MUTYH: variants seen among roughly 807,000 people sequenced by gnomAD.
The protein encoded by MUTYH is adenine DNA glycosylase.
In MUTYH, 64 loss-of-function variants were observed where a neutral mutation model predicts 72.9. The observed-to-expected ratio is 0.88, with a 90% CI of 0.72 to 1.08. MUTYH has a LOEUF of 1.08. MUTYH is among the 50% of genes least tolerant of loss of function. The pLI is 0.00. For missense variants in MUTYH, 633 were observed against 671.0 expected (o/e 0.94, Z 0.63); for synonymous variants, 234 against 263.1 (o/e 0.89, Z 1.07).
intron 1 of MUTYH, chr1:45,338,247 C>CTACA (rs1410946633): frequency 1.9e-6 from 1 of 532,926 alleles, no homozygotes; most frequent in African/African-American, 1.9e-5. Context: ...AGTCCTCTTA[C>CTACA]TACAGCCTTG....
chr1:45,337,493 C>CT (rs1255284252), intron 1 of MUTYH, among the ~76,000 whole-genome samples: 1 of 152,004 alleles, frequency 6.6e-6, no homozygotes, highest in Non-Finnish European at 1.5e-5. Context: ...TTTCTTTTCT[C>CT]TTTTTTTCTC....
rs374655042 is a variant in MUTYH at position 45,329,388 on chromosome 1, C to A, written c.1484G>T (p.Arg495Leu). 1 of 1,614,130 alleles carries A rather than the reference C, an allele frequency of 6.2e-7. No individual in the cohort carries two copies. The highest frequency in any genetic ancestry group is 8.5e-7 in the Non-Finnish European group (1 of 1,180,024). ...ATTATCCAGGACTTGCTGGCCCATGCGGGGCTTTTTCCGACTGCACGGAGA... is the reference window on the plus strand; with the variant it reads ...ATTATCCAGGACTTGCTGGCCCATGAGGGGCTTTTTCCGACTGCACGGAGA... ...VSSPCSRKKP[R>L]MGQQVLDNFF... The change falls in exon 16 of 16, where the codon CGC becomes CTC. Residue 495 changes from arginine (R) to leucine (L), a missense_variant. Transcript: ENST00000456914.
rs1553128978 is a variant in MUTYH, at chr1:45,332,808, C to T, written c.447G>A (p.Leu149=). ...GCCGCCGGCCACGAGAATAGTAGCC[C>T]AGGCCAGCCCAGAGTTGATTCACCT... ...LEEVNQLWAG[L]GYYSRGRRLQ... Residue 149 remains leucine, a synonymous_variant, in exon 7 of 16, where the codon CTG becomes CTA. Coordinates refer to ENST00000456914, the MANE Select transcript of MUTYH (RefSeq NM_001048174.2). The T allele has an allele frequency of 6.2e-7, 1 of 1,614,098 alleles. No homozygotes were observed. The highest frequency in any genetic ancestry group is 1.3e-5 in the African/African-American group (1 of 74,916).
rs1645188053 is a variant in MUTYH at position 45,332,792 on chromosome 1, C to T, written c.463G>A (p.Gly155Ser). Residue 155 changes from glycine (G) to serine (S), a missense_variant, in exon 7 of 16, where the codon GGC becomes AGC. Transcript: ENST00000456914. Reference protein sequence around the residue: ...LWAGLGYYSRGRRLQEGARKV... With the variant: ...LWAGLGYYSRSRRLQEGARKV... ...CGAGCTCCCTCCTGCAGCCGCCGGC[C>T]ACGAGAATAGTAGCCCAGGCCAGCC... 1.9e-6 allele frequency: 3 copies of T among 1,614,226 alleles called. No homozygotes were observed. The highest frequency in any genetic ancestry group is 2.5e-6 in the Non-Finnish European group (3 of 1,180,030).
intron 1 of MUTYH, chr1:45,338,063 C>G: frequency 2.1e-6 from 1 of 477,482 alleles, no homozygotes; most frequent in Non-Finnish European, 4.2e-6. Context: ...AGGAGGGTGC[C>G]TGGTATGTCT....
rs730881836 is a variant in MUTYH, at chr1:45,333,301, G to A, written c.288C>T (p.Asp96=). The part of the protein sequence containing the change: ...RRRAEDEMDL[D]RRAYAVWVSE... ...TGTACTGACCAGCATATGCCCGCCT[G>A]TCCAGGTCCATCTCATCTTCTGCCT... Residue 96 remains aspartate (D), a synonymous_variant, in exon 4 of 16, where the codon GAC becomes GAT. Coordinates refer to ENST00000456914, the MANE Select transcript of MUTYH (RefSeq NM_001048174.2). 2.7e-5 allele frequency: 43 copies of A among 1,614,108 alleles called. No homozygotes were observed. The highest frequency in any genetic ancestry group is 8.5e-7 in the Non-Finnish European group (1 of 1,180,046).
intron 14 of MUTYH, 121 bp from the exon 15 acceptor site, chr1:45,330,678 G>T: frequency 8.3e-7 from 1 of 1,209,066 alleles, no homozygotes; most frequent in Non-Finnish European, 1.2e-6. Flanking sequence ...GGCCAGGCAT[G>T]GTGGCTCACG....
intron 1 of MUTYH, chr1:45,338,405 G>A (rs1341276202): frequency 4.6e-6 from 2 of 433,228 alleles, no homozygotes; most frequent in South Asian, 2.0e-5. Flanking sequence ...ACTCTTTTAT[G>A]CTTTTACCTA....
Position 45,332,816 on chromosome 1 carries a change from C to A in MUTYH, c.439G>T (p.Ala147Ser), listed in dbSNP as rs770478980. 5 of 1,614,216 alleles carry A rather than the reference C, an allele frequency of 3.1e-6. No homozygotes were observed. In the East Asian group the frequency reaches 1.1e-4, roughly 36 times the overall value. Residue 147 changes from alanine (A) to serine (S), a missense_variant, in exon 7 of 16, where the codon GCT becomes TCT. Coordinates refer to ENST00000456914, the MANE Select transcript of MUTYH (RefSeq NM_001048174.2). ...CCACGAGAATAGTAGCCCAGGCCAG[C>A]CCAGAGTTGATTCACCTCCTGTGGG... is the stretch of plus-strand genomic sequence containing the variant. ...ASLEEVNQLWAGLGYYSRGRR... is the reference protein window; with the variant it reads ...ASLEEVNQLWSGLGYYSRGRR...
chr1:45,329,519 C>A (rs979750239), intron 15 of MUTYH, 82 bp from the exon 16 acceptor site: 36 of 1,549,408 alleles, frequency 2.3e-5, no homozygotes, highest in Non-Finnish European at 3.1e-5. Context: ...TCTCCCTTTC[C>A]CCGACTCTAC....
chr1:45,340,366 G>T (rs756600465), upstream of MUTYH: 3 of 1,566,876 alleles, frequency 1.9e-6, no homozygotes, highest in Non-Finnish European at 2.6e-6. Context: ...GGAAGGCCTC[G>T]GGCTCATAGT....
At position 45,332,010 on chromosome 1, in the gene MUTYH, G is replaced by A. The variant is rs777729507; in HGVS notation, c.913+13C>T. ...CAGGAAGGGTTGGGGTGGGGGCTAG[G>A]TTTGGTGCTCACCACACTCCTCCAC... On this transcript the variant is annotated intron_variant, in intron 11 of 15. Coordinates refer to ENST00000456914, the MANE Select transcript of MUTYH (RefSeq NM_001048174.2). The A allele has an allele frequency of 1.9e-6, 3 of 1,614,180 alleles. No homozygotes were observed. The highest frequency in any genetic ancestry group is 2.5e-6 in the Non-Finnish European group (3 of 1,180,016).
Position 45,339,903 on chromosome 1 carries a change from G to T in MUTYH, c.-11C>A. ...AGCCACCCCACTACCCGCTACCCGC[G>T]GCCCACGCTGATGAAGACAGCAGAA... On this transcript the variant is annotated 5_prime_UTR_variant, in exon 1 of 16. Transcript: ENST00000456914. 7.1e-7 allele frequency: 1 copy of T among 1,416,290 alleles called. No homozygotes were observed. Among genetic ancestry groups the T allele is most frequent in the South Asian group, 1.2e-5 (1 of 82,950 alleles). 87.7% of individuals were successfully genotyped at this position (1,416,290 alleles called of 1,614,324 possible). A position where few individuals can be genotyped will look rare whatever the true frequency, so the allele number is the denominator to read the frequency against.
rs768626819 is a variant in MUTYH, at chr1:45,333,416, T to C, written c.261A>G (p.Arg87=). 6.2e-7 allele frequency: 1 copy of C among 1,614,184 alleles called. No individual in the cohort carries two copies. Among genetic ancestry groups the C allele is most frequent in the Admixed American group, 1.7e-5 (1 of 60,032 alleles). The change falls in exon 3 of 16, where the codon AGA becomes AGG. Residue 87 remains arginine, a synonymous_variant. Transcript: ENST00000456914. ...TCCCTGCTCCTCGCCTGCCTACCCG[T>C]CTTCTCCATGGTAGGTCCCGTTTCT... ...DQEKRDLPWR[R]RAEDEMDLDR...
At chr1:45,329,485 G>A (rs762242708) in intron 15 of MUTYH, 48 bp from the exon 16 acceptor site, 1 of 1,609,032 alleles carries the variant, frequency 6.2e-7, no homozygotes. Context: ...GGGAGGGGGA[G>A]CAGAGAATCC....
rs876658828 is a variant in MUTYH at position 45,331,749 on chromosome 1, G to T, written c.1014C>A (p.Pro338=). The T allele has an allele frequency of 6.2e-7, 1 of 1,614,124 alleles. No homozygotes were observed. ...AGGTGGCAGAGCTCTCCTCCCTGGG[G>T]GGCTTGCGGCTGGCCTTTCTGGGGA... is the stretch of plus-strand genomic sequence containing the variant. ...VNFPRKASRK[P]PREESSATCV... The change falls in exon 12 of 16, where the codon CCC becomes CCA. Residue 338 remains proline (P), a synonymous_variant. Coordinates refer to ENST00000456914, the MANE Select transcript of MUTYH (RefSeq NM_001048174.2).
chr1:45,337,661 C>CA (rs1360402322), intron 1 of MUTYH, among the ~76,000 whole-genome samples: 1 of 152,036 alleles, frequency 6.6e-6, no homozygotes, highest in African/African-American at 2.4e-5. Flanking sequence ...AGCTTGAGCC[C>CA]AGAAGGTCGA....
chr1:45,340,034 T>C (rs1191718795), upstream of MUTYH: 4 of 1,539,732 alleles, frequency 2.6e-6, no homozygotes, highest in Admixed American at 7.9e-5. Flanking sequence ...GTGGCTCGGG[T>C]CCACCCGGGC....
At position 45,333,494 on chromosome 1, in the gene MUTYH, G is replaced by A. The variant is rs538419476; in HGVS notation, c.183C>T (p.Asp61=). 30 of 1,614,228 alleles carry A rather than the reference G, an allele frequency of 1.9e-5. No homozygotes were observed. In the Admixed American group the frequency reaches 2.0e-4, roughly 11 times the overall value. ...ASVSSYHLFR[D]VAEVTAFRGS... ...CTCGGAAGGCTGTGACTTCAGCTACGTCTCTGAATAGATGGTATGAGGAGA... is the reference window on the plus strand; with the variant it reads ...CTCGGAAGGCTGTGACTTCAGCTACATCTCTGAATAGATGGTATGAGGAGA... The change falls in exon 3 of 16, where the codon GAC becomes GAT. Residue 61 remains aspartate, a synonymous_variant. Coordinates refer to ENST00000456914, the MANE Select transcript of MUTYH (RefSeq NM_001048174.2).
Sources: gnomAD v4.1 joint callset for allele counts (sites outside exome capture counted in the v4.1 genomes callset) on GRCh38, gnomAD v4.1.1 for gene constraint, MANE v1.5 for transcripts, NCBI Gene and HGNC (gene_info 2026-07-23, HGNC 2026-07-21) for gene names.